Variants in ZMAT5 observed in about 807,000 individuals in gnomAD.
ZMAT5 encodes zinc finger matrin-type 5.
In ZMAT5, 23 loss-of-function variants were observed where a neutral mutation model predicts 28.0. The observed-to-expected ratio is 0.82, with a 90% CI of 0.59 to 1.16. The LOEUF is 1.16. ZMAT5 is among the 50% of genes most tolerant of loss of function. The pLI is 0.00. For synonymous variants in ZMAT5, 76 were observed against 84.1 expected (o/e 0.90, Z 0.52); for missense variants, 173 against 212.7 (o/e 0.81, Z 1.16).
intron 5 of ZMAT5, among the ~76,000 whole-genome samples, chr22:29,737,017 A>C (rs131261): frequency 0.47 from 66,463 of 140,292 alleles, 15,755 homozygotes; most frequent in East Asian, 0.6. Flanking sequence ...TAGAGCAAGA[A>C]TCCGTCTCAA....
At position 29,748,408 on chromosome 22, in the gene ZMAT5, C is replaced by G. The variant is rs200104721; in HGVS notation, c.127+10G>C. On this transcript the variant is annotated intron_variant, in intron 2 of 5. Coordinates refer to ENST00000344318, the MANE Select transcript of ZMAT5 (RefSeq NM_001003692.2). ...CTCCAGGAGCCTGGCCCCCAGCCAG[C>G]GGCACCCACCTCGGAACATGTCGTA... is the stretch of plus-strand genomic sequence containing the variant. 1.9e-6 allele frequency: 3 copies of G among 1,614,136 alleles called. No homozygotes were observed. The highest frequency in any genetic ancestry group is 2.5e-6 in the Non-Finnish European group (3 of 1,179,990).
intron 2 of ZMAT5, among the ~76,000 whole-genome samples, chr22:29,743,556 G>A (rs568049897): frequency 7.7e-4 from 117 of 152,082 alleles, no homozygotes; most frequent in Admixed American, 1.9e-3. Context: ...TCAGCCTCCC[G>A]AGTAGCTGGG....
At chr22:29,731,563 C>T (rs971215710) in intron 5 of ZMAT5, 4 of 554,536 alleles carry the variant, frequency 7.2e-6, no homozygotes, top group Non-Finnish European at 9.0e-6. Context: ...AGCGGGGTTG[C>T]AGGCAGACAT....
intron 5 of ZMAT5, among the ~76,000 whole-genome samples, chr22:29,736,852 G>A (rs539479537): frequency 2.7e-5 from 4 of 149,430 alleles, no homozygotes; most frequent in Admixed American, 6.7e-5. Context: ...GTGAAACCCC[G>A]TCTCCACTAA....
intron 1 of ZMAT5, chr22:29,758,747 A>C (rs2068127603): frequency 6.6e-6 from 1 of 152,438 alleles, no homozygotes; most frequent in South Asian, 2.1e-4. Context: ...GTCCCTTCAA[A>C]AAAAGTGGGG....
intron 5 of ZMAT5, chr22:29,731,661 T>C (rs982902660): frequency 3.1e-6 from 1 of 325,148 alleles, no homozygotes; most frequent in Admixed American, 5.5e-5. Context: ...GAGAATGCCA[T>C]GCGGCCTGTG....
chr22:29,742,613 G>A (rs920666028), intron 2 of ZMAT5, 133 bp from the exon 3 acceptor site: 11 of 810,340 alleles, frequency 1.4e-5, no homozygotes, highest in East Asian at 8.3e-5. Flanking sequence ...CCTGTTCCAC[G>A]GAGGAGTGGA....
intron 1 of ZMAT5, among the ~76,000 whole-genome samples, chr22:29,761,410 C>T (rs2068156335): frequency 6.6e-6 from 1 of 151,966 alleles, no homozygotes; most frequent in African/African-American, 2.4e-5. Flanking sequence ...AACCTTGTCT[C>T]TACAAATAAT....
At chr22:29,753,046 G>A (rs2068068681) in intron 1 of ZMAT5, among the ~76,000 whole-genome samples, 1 of 151,954 alleles carries the variant, frequency 6.6e-6, no homozygotes, top group African/African-American at 2.4e-5. Flanking sequence ...CCTGGGGACA[G>A]CACTGAGCAT....
At chr22:29,751,905 G>A (rs1289709682) in intron 1 of ZMAT5, among the ~76,000 whole-genome samples, 2 of 152,038 alleles carry the variant, frequency 1.3e-5, no homozygotes, top group Admixed American at 6.6e-5. Context: ...GGCAGAGGCT[G>A]CAGTGAACTG....
chr22:29,762,403 A>T (rs1028255605), intron 1 of ZMAT5, among the ~76,000 whole-genome samples: 51 of 152,246 alleles, frequency 3.3e-4, no homozygotes, highest in African/African-American at 1.1e-3. Context: ...GCCGCACAGC[A>T]GGAGGTGAGT....
Position 29,740,656 on chromosome 22 carries a change from C to G in ZMAT5, c.265G>C (p.Val89Leu), listed in dbSNP as rs774940420. The change falls in exon 4 of 6, where the codon GTG becomes CTG. Residue 89 changes from valine (V) to leucine (L), a missense_variant. Transcript: ENST00000344318. Reference protein sequence around the residue: ...ERDLQELSIQVEEERRAREWL... With the variant: ...ERDLQELSIQLEEERRAREWL... ...AGGGCATCCCGAGACGTACCCTCCA[C>G]CTGGATGCTCAGCTCCTGCAGGTCT... 4.4e-6 allele frequency: 7 copies of G among 1,601,166 alleles called. No individual in the cohort carries two copies. The African/African-American group carries it at 9.4e-5, about 21-fold the overall frequency.
chr22:29,742,136 C>T (rs1275762863), intron 3 of ZMAT5, among the ~76,000 whole-genome samples: 1 of 152,218 alleles, frequency 6.6e-6, no homozygotes, highest in East Asian at 1.9e-4. Context: ...GTCTATTCCA[C>T]CCATAAGTGT....
At chr22:29,746,430 A>C (rs1344537653) in intron 2 of ZMAT5, 2 of 152,102 alleles carry the variant, frequency 1.3e-5, no homozygotes, top group Admixed American at 1.3e-4. Context: ...GATTACAGGC[A>C]TGAGCCACGG....
rs141065014 is a variant in ZMAT5, at chr22:29,740,065, T to C, written c.271+585A>G. ...CTTTCAGTCTGAATGTTGGCCTTAG[T>C]TTCCCCACCTGTTCAGTGAGAGGCT... On this transcript the variant is annotated intron_variant, in intron 4 of 5. Coordinates refer to ENST00000344318, the MANE Select transcript of ZMAT5 (RefSeq NM_001003692.2). Among the ~76,000 whole-genome samples, 348 of 152,342 alleles carry C rather than the reference T, an allele frequency of 2.3e-3. 1 individual carries two copies. Among genetic ancestry groups the C allele is most frequent in the African/African-American group, 8.1e-3 (336 of 41,576 alleles).
At chr22:29,751,233 G>T (rs1868429502) in intron 1 of ZMAT5, among the ~76,000 whole-genome samples, 1 of 152,122 alleles carries the variant, frequency 6.6e-6, no homozygotes, top group South Asian at 2.1e-4. Flanking sequence ...TGGCTCTGCG[G>T]CCTACTTAGA....
At chr22:29,734,422 C>T (rs1362073914) in intron 5 of ZMAT5, among the ~76,000 whole-genome samples, 1 of 152,214 alleles carries the variant, frequency 6.6e-6, no homozygotes, top group Non-Finnish European at 1.5e-5. Flanking sequence ...GGGGAGGAAG[C>T]AGATACCCTG....
At chr22:29,762,052 T>C (rs1461943760) in intron 1 of ZMAT5, among the ~76,000 whole-genome samples, 2 of 152,200 alleles carry the variant, frequency 1.3e-5, no homozygotes, top group South Asian at 2.1e-4. Context: ...ATAAGTTTAA[T>C]TGATTAGATT....
At chr22:29,742,392 G>T in intron 3 of ZMAT5, 26 bp downstream of exon 3, 1 of 1,611,444 alleles carries the variant, frequency 6.2e-7, no homozygotes, top group Non-Finnish European at 8.5e-7. Flanking sequence ...TCCCCGCAGG[G>T]ACCTGAGCTG....
Sources: allele counts gnomAD v4.1 joint callset (sites outside exome capture counted in the v4.1 genomes callset), GRCh38; gene constraint gnomAD v4.1.1; transcripts MANE v1.5; gene names NCBI Gene and HGNC (gene_info 2026-07-23, HGNC 2026-07-21).